CDK14: variants seen among roughly 807,000 people sequenced by gnomAD.
CDK14 encodes the protein cyclin-dependent kinase 14.
In CDK14, 34 loss-of-function variants were observed where a neutral mutation model predicts 60.7. That is an observed-to-expected ratio of 0.56 (90% CI 0.43 to 0.75). The LOEUF (loss-of-function observed/expected upper bound fraction) is 0.75, where lower values mean the gene tolerates loss of function less well. Ranked by LOEUF, CDK14 falls within the 30% of genes least tolerant of loss-of-function variation. The probability of loss-of-function intolerance (pLI) is 0.00; values close to 1 mark genes in which losing one functional copy is unlikely to be tolerated. For missense variants in CDK14, 482 were observed against 564.1 expected, an observed-to-expected ratio of 0.85 and a Z score of 1.47; for synonymous variants, 197 against 203.7, an observed-to-expected ratio of 0.97 and a Z score of 0.28.
chr7:90,779,984 G>T (rs1045152192), intron 4 of CDK14, among the ~76,000 whole-genome samples: 1 of 152,102 alleles, frequency 6.6e-6, no homozygotes, highest in Admixed American at 6.6e-5. Context: ...TTGATTTGTT[G>T]AAGAAACAGA....
intron 7 of CDK14, among the ~76,000 whole-genome samples, chr7:90,906,384 G>A (rs528299094): frequency 6.6e-6 from 1 of 152,036 alleles, no homozygotes; most frequent in African/African-American, 2.4e-5. Flanking sequence ...AAAAGAGCAT[G>A]TCCTTTTAGT....
intron 14 of CDK14, among the ~76,000 whole-genome samples, chr7:91,147,141 G>GTCTCTCTCTC (rs150638262): frequency 0.017 from 1,374 of 78,934 alleles, 38 homozygotes; most frequent in African/African-American, 0.052. Context: ...ACCTCTCTCT[G>GTCTCTCTCTC]TCTCTCTCTC....
At chr7:90,921,003 T>C (rs1793233424) in intron 8 of CDK14, among the ~76,000 whole-genome samples, 1 of 152,152 alleles carries the variant, frequency 6.6e-6, no homozygotes. Context: ...TCTATATGCA[T>C]TTTGAATAAG....
rs528919586 is a variant in CDK14 at position 90,664,514 on chromosome 7, C to T, written c.123+60265C>T. ...CGTATGTTTATAGCGGCACTATTCA[C>T]AATAGCAAAGACTTGGAACCAACCT... On this transcript the variant is annotated intron_variant, in intron 2 of 14. Transcript: ENST00000380050. 6.6e-5 allele frequency among the ~76,000 whole-genome samples: 10 copies of T among 152,222 alleles called. 1 individual carries two copies. In the South Asian group the frequency reaches 1.9e-3, roughly 28 times the overall value.
At chr7:91,019,524 C>G (rs1318874540) in intron 10 of CDK14, among the ~76,000 whole-genome samples, 1 of 152,156 alleles carries the variant, frequency 6.6e-6, no homozygotes. Flanking sequence ...ATTGTCAGCT[C>G]TATATTGACT....
At chr7:90,875,712 T>C (rs1791535192) in intron 6 of CDK14, among the ~76,000 whole-genome samples, 1 of 152,114 alleles carries the variant, frequency 6.6e-6, no homozygotes. Context: ...ATTATTTGAA[T>C]GTTGGACCTC....
intron 8 of CDK14, among the ~76,000 whole-genome samples, chr7:90,925,696 TA>T (rs1793395879): frequency 6.6e-6 from 1 of 152,006 alleles, no homozygotes; most frequent in African/African-American, 2.4e-5. Flanking sequence ...ACCTCGTCTC[TA>T]AAAAAATAAT....
intron 11 of CDK14, among the ~76,000 whole-genome samples, chr7:91,047,809 C>T (rs747721166): frequency 5.9e-5 from 9 of 152,098 alleles, no homozygotes; most frequent in Non-Finnish European, 5.9e-5. Context: ...CAAGAGGAGA[C>T]ACAACAACAG....
chr7:90,798,122 T>G lies in CDK14; in HGVS notation c.544+7470T>G, dbSNP rs575348310. Among the ~76,000 whole-genome samples, 8 of 151,890 alleles carry G rather than the reference T, an allele frequency of 5.3e-5. No individual in the cohort carries two copies. The South Asian group carries it at 1.7e-3, about 32-fold the overall frequency. ...AATAGTTGGGGCCTTGATCACAAAA[T>G]GGCATTTTATTTTCTATTGAATAAA... On this transcript the variant is annotated intron_variant, in intron 5 of 14. Transcript: ENST00000380050.
intron 2 of CDK14, among the ~76,000 whole-genome samples, chr7:90,690,447 A>C (rs1476273232): frequency 6.6e-6 from 1 of 152,196 alleles, no homozygotes; most frequent in East Asian, 1.9e-4. Context: ...TAAATATGGC[A>C]ATACCTGTAA....
chr7:90,680,526 A>C (rs930094135), intron 2 of CDK14, among the ~76,000 whole-genome samples: 3 of 152,240 alleles, frequency 2.0e-5, no homozygotes, highest in Admixed American at 6.5e-5. Context: ...CTCAGGTCAG[A>C]TAGAATGAGT....
Position 90,668,698 on chromosome 7 carries a change from TC to T in CDK14, c.124-57868del, listed in dbSNP as rs1341327137. On this transcript the variant is annotated intron_variant, in intron 2 of 14. Coordinates refer to ENST00000380050, the MANE Select transcript of CDK14 (RefSeq NM_001287135.2). ...ATATGGTGTAAGGAAGGACTCGCATTCTTTTTTTTTTTTTTTTTTTTTTTTT... is the reference window on the plus strand; with the variant it reads ...ATATGGTGTAAGGAAGGACTCGCATTTTTTTTTTTTTTTTTTTTTTTTTTT... 2.3e-3 allele frequency among the ~76,000 whole-genome samples: 196 copies of T among 84,458 alleles called. 7 individuals carry two copies. The highest frequency in any genetic ancestry group is 8.0e-3 in the African/African-American group (159 of 19,816). The allele number at this position is 84,458 out of a possible 152,430, so 55.4% of individuals were successfully genotyped here.
rs564220517 is a variant in CDK14, at chr7:91,053,385, A to G, written c.1105+7425A>G. Among the ~76,000 whole-genome samples, 3 of 152,200 alleles carry G rather than the reference A, an allele frequency of 2.0e-5. No homozygotes were observed. In the South Asian group the frequency reaches 6.2e-4, roughly 32 times the overall value. The stretch of plus-strand genomic sequence containing the variant: ...TTTCAACTCTAAGCCATTCTCAGTG[A>G]TGCCTCCTCCTCTCTTTAAGAGAGC... On this transcript the variant is annotated intron_variant, in intron 11 of 14. Transcript: ENST00000380050.
At chr7:90,837,151 T>TA (rs1434958086) in intron 5 of CDK14, among the ~76,000 whole-genome samples, 11 of 152,186 alleles carry the variant, frequency 7.2e-5, no homozygotes, top group African/African-American at 2.7e-4. Flanking sequence ...CTTTGGACCG[T>TA]ATGGCAATGA....
intron 9 of CDK14, among the ~76,000 whole-genome samples, chr7:90,975,452 A>G (rs769715951): frequency 1.3e-5 from 2 of 151,862 alleles, no homozygotes; most frequent in Non-Finnish European, 2.9e-5. Flanking sequence ...CATCCTTCAT[A>G]TAAAAACATT....
intron 2 of CDK14, among the ~76,000 whole-genome samples, chr7:90,616,187 T>C (rs1799646168): frequency 1.3e-5 from 2 of 152,148 alleles, no homozygotes; most frequent in Admixed American, 6.5e-5. Context: ...ACTAAAACAG[T>C]GATACAGAAA....
At chr7:91,105,019 T>A (rs890951408) in intron 12 of CDK14, among the ~76,000 whole-genome samples, 17 of 152,272 alleles carry the variant, frequency 1.1e-4, no homozygotes, top group Non-Finnish European at 1.5e-5. Context: ...GGGAAAAAAA[T>A]ATCTCTTCTA....
intron 2 of CDK14, among the ~76,000 whole-genome samples, chr7:90,686,218 A>C (rs1801432033): frequency 6.6e-6 from 1 of 152,182 alleles, no homozygotes; most frequent in Non-Finnish European, 1.5e-5. Flanking sequence ...ACGTTAGTCT[A>C]CTGAATTTTC....
intron 2 of CDK14, among the ~76,000 whole-genome samples, chr7:90,643,443 ACATTC>A (rs2116449878): frequency 6.6e-6 from 1 of 152,174 alleles, no homozygotes; most frequent in South Asian, 2.1e-4. Context: ...TCATATTTTT[ACATTC>A]TGGGATTGTG....
Sources: gnomAD v4.1 joint callset for allele counts (sites outside exome capture counted in the v4.1 genomes callset) on GRCh38, gnomAD v4.1.1 for gene constraint, MANE v1.5 for transcripts, NCBI Gene and HGNC (gene_info 2026-07-23, HGNC 2026-07-21) for gene names.